Variants in KCNMB4 observed in about 807,000 individuals in gnomAD.
The protein encoded by KCNMB4 is potassium calcium-activated channel subfamily M regulatory beta subunit 4.
Under a neutral mutation model 20.7 loss-of-function variants are expected in KCNMB4, and 3 were observed. The ratio of observed to expected loss-of-function variants is 0.14; its 90% CI spans 0.07 to 0.37. The LOEUF is 0.37. Among genes scored for constraint, KCNMB4 ranks in the 10% least tolerant of loss-of-function variants. The probability of loss-of-function intolerance (pLI) is 1.00; values close to 1 mark genes in which losing one functional copy is unlikely to be tolerated. For synonymous variants in KCNMB4, 110 were observed against 113.4 expected, an observed-to-expected ratio of 0.97 and a Z score of 0.19; for missense variants, 168 against 265.9, an observed-to-expected ratio of 0.63 and a Z score of 2.56.
At chr12:70,411,234 G>A (rs1013166730) in intron 2 of KCNMB4, among the ~76,000 whole-genome samples, 16 of 152,040 alleles carry the variant, frequency 1.1e-4, no homozygotes, top group African/African-American at 3.6e-4. Flanking sequence ...ATGGTGAAAG[G>A]GAGAGGCAAT....
rs376190551 is a variant in KCNMB4 at position 70,422,972 on chromosome 12, C to T, written c.465-7513C>T. On this transcript the variant is annotated intron_variant, in intron 2 of 2. Transcript: ENST00000258111. ...CTTCACTGGGCTGCATCTGAAGGGA[C>T]GGTCATCTTAATCAGTAGGAAAACA... 2.4e-4 allele frequency: 99 copies of T among 411,318 alleles called. 1 individual carries two copies. In the South Asian group the frequency reaches 4.9e-3, roughly 20 times the overall value. 25.5% of individuals were successfully genotyped at this position (411,318 alleles called of 1,614,324 possible). A position where few individuals can be genotyped will look rare whatever the true frequency, so the allele number is the denominator to read the frequency against.
At chr12:70,411,408 G>A (rs920409893) in intron 2 of KCNMB4, among the ~76,000 whole-genome samples, 2 of 152,080 alleles carry the variant, frequency 1.3e-5, no homozygotes, top group African/African-American at 4.8e-5. Context: ...AATGTGTAAT[G>A]CATTTTTAGG....
intron 2 of KCNMB4, among the ~76,000 whole-genome samples, chr12:70,404,131 A>G (rs1263887336): frequency 6.6e-6 from 1 of 152,250 alleles, no homozygotes; most frequent in African/African-American, 2.4e-5. Context: ...GTTATGTAAT[A>G]TGGAGTAATG....
intron 1 of KCNMB4, among the ~76,000 whole-genome samples, chr12:70,381,899 C>T (rs570237456): frequency 3.0e-3 from 451 of 152,304 alleles, no homozygotes; most frequent in African/African-American, 9.6e-3. Flanking sequence ...CAATAAATCT[C>T]TTGCCCAAAA....
chr12:70,428,893 C>A (rs1233593993), intron 2 of KCNMB4, among the ~76,000 whole-genome samples: 2 of 152,094 alleles, frequency 1.3e-5, no homozygotes, highest in African/African-American at 4.8e-5. Flanking sequence ...TGATTGTTGC[C>A]TAATTGTTAA....
chr12:70,398,836 A>C (rs1191972635), intron 1 of KCNMB4, among the ~76,000 whole-genome samples: 5 of 152,348 alleles, frequency 3.3e-5, no homozygotes, highest in African/African-American at 1.2e-4. Flanking sequence ...TAAAACAGGC[A>C]AGTATGATAC....
chr12:70,423,450 A>ACCTCCCT (rs892197293), intron 2 of KCNMB4, among the ~76,000 whole-genome samples: 4 of 151,342 alleles, frequency 2.6e-5, no homozygotes, highest in African/African-American at 9.7e-5. Flanking sequence ...TTGTTATAAT[A>ACCTCCCT]CCTCCCTAGC....
chr12:70,430,422 A>G, intron 2 of KCNMB4, 63 bp from the exon 3 acceptor site: 1 of 1,570,320 alleles, frequency 6.4e-7, no homozygotes, highest in African/African-American at 1.4e-5. Context: ...TTAGGTTGTA[A>G]AGAGTTTTTC....
rs1868896088 is a variant in KCNMB4 at position 70,415,674 on chromosome 12, GAA to G, written c.465-14808_465-14807del. ...TCTAATCTGTTCTTTCATGTCTGCT[GAA>G]AAGATACTTCCTTTTTATTTTCCCA... On this transcript the variant is annotated intron_variant, in intron 2 of 2. Coordinates refer to ENST00000258111, the MANE Select transcript of KCNMB4 (RefSeq NM_014505.6). Among the ~76,000 whole-genome samples, 4 of 152,176 alleles carry G rather than the reference GAA, an allele frequency of 2.6e-5. No homozygotes were observed. In the South Asian group the frequency reaches 8.3e-4, roughly 32 times the overall value.
At chr12:70,408,645 A>G (rs1282562222) in intron 2 of KCNMB4, among the ~76,000 whole-genome samples, 1 of 152,118 alleles carries the variant, frequency 6.6e-6, no homozygotes, top group Non-Finnish European at 1.5e-5. Flanking sequence ...AGGATTCTGC[A>G]GAGGCGTCAC....
intron 1 of KCNMB4, among the ~76,000 whole-genome samples, chr12:70,368,532 T>C (rs1389345820): frequency 6.6e-6 from 1 of 152,134 alleles, no homozygotes; most frequent in African/African-American, 2.4e-5. Context: ...ACAAATGTTG[T>C]AACTTGATCC....
At chr12:70,371,436 G>A (rs1883592595) in intron 1 of KCNMB4, among the ~76,000 whole-genome samples, 1 of 152,158 alleles carries the variant, frequency 6.6e-6, no homozygotes, top group South Asian at 2.1e-4. Flanking sequence ...GAGAGGCAGT[G>A]TGGCCTGCCT....
intron 2 of KCNMB4, among the ~76,000 whole-genome samples, chr12:70,426,217 C>T (rs1453208485): frequency 6.6e-6 from 1 of 151,700 alleles, no homozygotes; most frequent in Non-Finnish European, 1.5e-5. Flanking sequence ...TCGCTTGAAC[C>T]CAGGAGGCGG....
intron 2 of KCNMB4, among the ~76,000 whole-genome samples, chr12:70,405,453 T>C (rs975407558): frequency 6.6e-6 from 1 of 152,166 alleles, no homozygotes; most frequent in Non-Finnish European, 1.5e-5. Context: ...ACCTCACGCC[T>C]CTCAGAATGA....
intron 1 of KCNMB4, among the ~76,000 whole-genome samples, chr12:70,391,912 G>A (rs957316547): frequency 6.6e-6 from 1 of 152,212 alleles, no homozygotes; most frequent in Non-Finnish European, 1.5e-5. Context: ...ACATCACATT[G>A]TAAGAGTATG....
chr12:70,377,306 A>G (rs1453616985), intron 1 of KCNMB4, among the ~76,000 whole-genome samples: 3 of 152,242 alleles, frequency 2.0e-5, no homozygotes, highest in Non-Finnish European at 4.4e-5. Context: ...GACCACTTCA[A>G]CAAAGCCAAT....
In KCNMB4 at chr12:70,433,124, T is replaced by C. The variant is rs1461137826; in HGVS notation, c.*2471T>C. On this transcript the variant is annotated 3_prime_UTR_variant, in exon 3 of 3. Coordinates refer to ENST00000258111, the MANE Select transcript of KCNMB4 (RefSeq NM_014505.6). ...AATTAAATTTGAAGCACCTTATTTA[T>C]ACTTGTTAAAGGTAAAACCCAAAAG... The C allele has an allele frequency of 6.6e-6, 1 of 152,130 alleles. No homozygotes were observed. The highest frequency in any genetic ancestry group is 2.1e-4 in the South Asian group (1 of 4,826). 9.4% of individuals were successfully genotyped at this position (152,130 alleles called of 1,614,324 possible).
chr12:70,382,506 A>T (rs1883808161), intron 1 of KCNMB4, among the ~76,000 whole-genome samples: 1 of 151,982 alleles, frequency 6.6e-6, no homozygotes, highest in African/African-American at 2.4e-5. Context: ...AAATTTGGGT[A>T]AATATATATT....
chr12:70,425,441 A>G (rs1038371317), intron 2 of KCNMB4, among the ~76,000 whole-genome samples: 1 of 152,036 alleles, frequency 6.6e-6, no homozygotes, highest in South Asian at 2.1e-4. Flanking sequence ...CCATCTCAAA[A>G]AAACAAAAAC....
Sources: allele counts gnomAD v4.1 joint callset (sites outside exome capture counted in the v4.1 genomes callset), GRCh38; gene constraint gnomAD v4.1.1; transcripts MANE v1.5; gene names NCBI Gene and HGNC (gene_info 2026-07-23, HGNC 2026-07-21).